The following PHKB variants were observed in gnomAD, a reference collection of about 807,000 sequenced individuals.
PHKB encodes phosphorylase kinase regulatory subunit beta.
Under a neutral mutation model 152.1 loss-of-function variants are expected in PHKB, and 122 were observed. That is an observed-to-expected ratio of 0.80 (90% CI 0.69 to 0.93). The LOEUF (loss-of-function observed/expected upper bound fraction) is 0.93, where lower values mean the gene tolerates loss of function less well. Among genes scored for constraint, PHKB ranks in the 40% least tolerant of loss-of-function variants. PHKB has a pLI of 0.00. For missense variants in PHKB, 1,304 were observed against 1,328.4 expected, an observed-to-expected ratio of 0.98 and a Z score of 0.29; for synonymous variants, 436 against 464.9, an observed-to-expected ratio of 0.94 and a Z score of 0.80.
chr16:47,602,141 G>A (rs890980798), intron 13 of PHKB, among the ~76,000 whole-genome samples: 1 of 152,078 alleles, frequency 6.6e-6, no homozygotes, highest in African/African-American at 2.4e-5. Context: ...GCTCAATGGA[G>A]TCCCAAACTC....
intron 8 of PHKB, among the ~76,000 whole-genome samples, chr16:47,586,182 T>C (rs998418954): frequency 1.1e-4 from 16 of 152,224 alleles, no homozygotes; most frequent in African/African-American, 3.9e-4. Context: ...TGAAACTAAG[T>C]CATGTGTTGT....
intron 8 of PHKB, among the ~76,000 whole-genome samples, chr16:47,586,603 A>G (rs1971939194): frequency 6.6e-6 from 1 of 152,162 alleles, no homozygotes; most frequent in Non-Finnish European, 1.5e-5. Context: ...TAGATTTTGA[A>G]GTTCAGTGTA....
chr16:47,571,556 C>T (rs937902067), intron 7 of PHKB, among the ~76,000 whole-genome samples: 1 of 152,156 alleles, frequency 6.6e-6, no homozygotes, highest in Non-Finnish European at 1.5e-5. Context: ...ATTCCATATC[C>T]AGAGACAGTG....
At chr16:47,593,013 G>A (rs1972054635) in intron 10 of PHKB, among the ~76,000 whole-genome samples, 1 of 151,864 alleles carries the variant, frequency 6.6e-6, no homozygotes, top group South Asian at 2.1e-4. Context: ...CACTTTGGGA[G>A]GCCAAGATAA....
In PHKB at chr16:47,486,684, G is replaced by A. The variant is rs955637688; in HGVS notation, c.77-10715G>A. 2.6e-5 allele frequency among the ~76,000 whole-genome samples: 4 copies of A among 152,048 alleles called. No individual in the cohort carries two copies. In the South Asian group the frequency reaches 6.2e-4, roughly 24 times the overall value. ...CTCCTGTGTGCATGTATGAGTACCC[G>A]GAATATACAAACCTCATGGAACTAT... On this transcript the variant is annotated intron_variant, in intron 1 of 30. Transcript: ENST00000323584.
chr16:47,658,391 C>T (rs1431422783), intron 20 of PHKB, among the ~76,000 whole-genome samples: 1 of 152,124 alleles, frequency 6.6e-6, no homozygotes, highest in Non-Finnish European at 1.5e-5. Flanking sequence ...TGCCCTGGTA[C>T]TCCCCATCCC....
chr16:47,542,950 A>G (rs887230470), intron 6 of PHKB, among the ~76,000 whole-genome samples: 10 of 152,170 alleles, frequency 6.6e-5, no homozygotes, highest in African/African-American at 2.4e-4. Flanking sequence ...CTGCAAACAG[A>G]GAGAATTTGA....
chr16:47,623,803 C>T (rs1972661452), intron 14 of PHKB, among the ~76,000 whole-genome samples: 1 of 152,004 alleles, frequency 6.6e-6, no homozygotes, highest in Admixed American at 6.6e-5. Context: ...AGTGATCCAC[C>T]CGCCTCAGCC....
At chr16:47,569,492 A>G (rs1971622391) in intron 7 of PHKB, among the ~76,000 whole-genome samples, 1 of 152,192 alleles carries the variant, frequency 6.6e-6, no homozygotes, top group Admixed American at 6.5e-5. Flanking sequence ...GTGGGGCATT[A>G]CACCATTTAC....
At chr16:47,500,860 A>G (rs1481476677) in intron 3 of PHKB, among the ~76,000 whole-genome samples, 1 of 152,206 alleles carries the variant, frequency 6.6e-6, no homozygotes, top group East Asian at 1.9e-4. Context: ...ATTTCCTGAA[A>G]GCGATCCATA....
chr16:47,479,953 C>G (rs1010588710), intron 1 of PHKB, among the ~76,000 whole-genome samples: 3 of 152,202 alleles, frequency 2.0e-5, no homozygotes, highest in African/African-American at 7.2e-5. Context: ...TTTTACTCAT[C>G]TGAACCCACT....
intron 13 of PHKB, among the ~76,000 whole-genome samples, chr16:47,602,542 C>CTTTTTTTTTTTTTTTTTT (rs34655174): frequency 1.9e-4 from 23 of 122,630 alleles, no homozygotes; most frequent in Non-Finnish European, 3.2e-4. Context: ...GCTTCTCTTC[C>CTTTTTTTTTTTTTTTTTT]TTTTTTTTTT....
chr16:47,636,101 A>G (rs1212633778), intron 14 of PHKB, among the ~76,000 whole-genome samples: 5 of 152,214 alleles, frequency 3.3e-5, no homozygotes, highest in Non-Finnish European at 7.3e-5. Context: ...GGGTTAAAGG[A>G]TAAGAACCTG....
At chr16:47,601,645 C>T (rs112511776) in intron 13 of PHKB, among the ~76,000 whole-genome samples, 1 of 151,204 alleles carries the variant, frequency 6.6e-6, no homozygotes, top group Non-Finnish European at 1.5e-5. Context: ...GCGGAGGTTG[C>T]AGTGAGCCAA....
intron 27 of PHKB, among the ~76,000 whole-genome samples, chr16:47,692,325 G>A (rs1034805383): frequency 2.0e-5 from 3 of 152,108 alleles, no homozygotes; most frequent in African/African-American, 7.2e-5. Flanking sequence ...TGTAAAAAAC[G>A]TGTATCTGGG....
rs140480115 is a variant in PHKB, at chr16:47,595,913, G to A, written c.1205-460G>A. Among the ~76,000 whole-genome samples the A allele has an allele frequency of 2.0e-4, 31 of 152,282 alleles. No homozygotes were observed. The East Asian group carries it at 6.0e-3, about 29-fold the overall frequency. On this transcript the variant is annotated intron_variant, in intron 12 of 30. Transcript: ENST00000323584. ...TAGCTTATCAAATCTGTTGCCTCCT[G>A]TATAAGAATTCTCTCTCCCTGCTTT...
intron 6 of PHKB, among the ~76,000 whole-genome samples, chr16:47,545,514 C>G (rs897805962): frequency 2.0e-5 from 3 of 152,162 alleles, no homozygotes; most frequent in African/African-American, 7.2e-5. Context: ...TTCTCTCTGG[C>G]TGCTGTTAAT....
intron 1 of PHKB, 112 bp downstream of exon 1, chr16:47,461,538 T>C: frequency 9.2e-7 from 1 of 1,088,466 alleles, no homozygotes; most frequent in Non-Finnish European, 1.4e-6. Context: ...GTGCCCCGAG[T>C]TCCTCCTTAG....
In PHKB at chr16:47,589,049, A is replaced by T; in HGVS notation, c.1015A>T (p.Arg339Ter). ...GFKRFLRDGY[R>*]TSLEDPNRCY... ...TAAACGTTTCTTGAGAGATGGGTATAGAACATCATTGGAAGATCCCAACAG... is the reference window on the plus strand; with the variant it reads ...TAAACGTTTCTTGAGAGATGGGTATTGAACATCATTGGAAGATCCCAACAG... Residue 339 changes from arginine to a stop codon, truncating the protein, a stop_gained, in exon 10 of 31, where the codon AGA (arginine) becomes TGA (stop). Transcript: ENST00000323584. LOFTEE classifies it high-confidence loss of function. 6.2e-7 allele frequency: 1 copy of T among 1,613,672 alleles called. No individual in the cohort carries two copies. The highest frequency in any genetic ancestry group is 8.5e-7 in the Non-Finnish European group (1 of 1,179,570).
Sources: allele counts gnomAD v4.1 joint callset (sites outside exome capture counted in the v4.1 genomes callset), GRCh38; gene constraint gnomAD v4.1.1; transcripts MANE v1.5; gene names NCBI Gene and HGNC (gene_info 2026-07-23, HGNC 2026-07-21).